Variants in CFAP69 observed in about 807,000 individuals in gnomAD.
CFAP69 encodes the protein cilia and flagella associated protein 69.
In CFAP69, 92 loss-of-function variants were observed where a neutral mutation model predicts 123.0. The observed-to-expected ratio is 0.75, with a 90% confidence interval of 0.63 to 0.89. The LOEUF is 0.89. Among genes scored for constraint, CFAP69 ranks in the 40% least tolerant of loss-of-function variants. The probability of loss-of-function intolerance (pLI) is 0.00; values close to 1 mark genes in which losing one functional copy is unlikely to be tolerated. For synonymous variants in CFAP69, 380 were observed against 364.3 expected (o/e 1.04, Z -0.49); for missense variants, 1,067 against 1,096.9 (o/e 0.97, Z 0.39).
At chr7:90,302,268 G>T (rs1792917546) in intron 17 of CFAP69, 1 of 152,104 alleles carries the variant, frequency 6.6e-6, no homozygotes. Flanking sequence ...CCATTCTGTT[G>T]GTTGGCTTTT....
At chr7:90,275,948 T>A (rs962825370) in intron 9 of CFAP69, 24 of 152,168 alleles carry the variant, frequency 1.6e-4, no homozygotes, top group African/African-American at 5.8e-4. Context: ...GCCATTCCCT[T>A]CTACAAAATT....
the CFAP69 span, chr7:90,317,565 A>G: frequency 2.0e-5 from 3 of 151,892 alleles, no homozygotes; most frequent in African/African-American, 7.2e-5. Context: ...AATATTGCCG[A>G]ACGCTATGAG....
Position 90,310,289 on chromosome 7 carries a change from A to C in CFAP69, c.*51A>C. ...AAGTCAGCTTATAATTTTTTAGCTG[A>C]ATATATCTTTATACATATGTAAAGC... On this transcript the variant is annotated 3_prime_UTR_variant, in exon 23 of 23. Transcript: ENST00000389297. The C allele has an allele frequency of 7.4e-7, 1 of 1,359,020 alleles. No homozygotes were observed. The highest frequency in any genetic ancestry group is 1.0e-6 in the Non-Finnish European group (1 of 998,262). 84.2% of individuals were successfully genotyped at this position (1,359,020 alleles called of 1,614,324 possible). A position where few individuals can be genotyped will look rare whatever the true frequency, so the allele number is the denominator to read the frequency against.
chr7:90,322,940 T>C, the CFAP69 span, among the ~76,000 whole-genome samples: 3 of 152,168 alleles, frequency 2.0e-5, no homozygotes, highest in South Asian at 6.2e-4. Flanking sequence ...TACTGAAATA[T>C]TCTAAATTTA....
At chr7:90,283,816 C>CA (rs1474436619) in intron 13 of CFAP69, among the ~76,000 whole-genome samples, 1 of 152,066 alleles carries the variant, frequency 6.6e-6, no homozygotes, top group Non-Finnish European at 1.5e-5. Flanking sequence ...AATGCCTACT[C>CA]AAAAAATCTT....
intron 22 of CFAP69, among the ~76,000 whole-genome samples, 161 bp downstream of exon 22, chr7:90,309,528 A>C (rs1227676500): frequency 6.6e-6 from 1 of 152,022 alleles, no homozygotes; most frequent in Admixed American, 6.6e-5. Context: ...AAAAATTTTA[A>C]ATTTAAAAAT....
the CFAP69 span, among the ~76,000 whole-genome samples, chr7:90,321,633 A>G: frequency 2.2e-4 from 34 of 152,228 alleles, no homozygotes; most frequent in Non-Finnish European, 4.4e-4. Flanking sequence ...CATGCTCCAC[A>G]CCGTATTCTC....
chr7:90,315,816 G>A (rs1314147270), downstream of CFAP69, among the ~76,000 whole-genome samples: 3 of 152,240 alleles, frequency 2.0e-5, no homozygotes, highest in Admixed American at 6.5e-5. Context: ...ATTCTGGCCA[G>A]GCTTGGTGGC....
At chr7:90,279,217 C>A (rs140714595) in intron 11 of CFAP69, among the ~76,000 whole-genome samples, 27 of 152,108 alleles carry the variant, frequency 1.8e-4, no homozygotes, top group Non-Finnish European at 2.9e-4. Context: ...TTACCTCAGA[C>A]AAAATTCTTT....
At chr7:90,289,699 C>T (rs1790834597) in intron 15 of CFAP69, among the ~76,000 whole-genome samples, 1 of 152,020 alleles carries the variant, frequency 6.6e-6, no homozygotes, top group African/African-American at 2.4e-5. Context: ...CTTTCCTTAC[C>T]CCATAGTCAT....
intron 15 of CFAP69, among the ~76,000 whole-genome samples, chr7:90,289,260 AT>A (rs1562899592): frequency 6.6e-6 from 1 of 152,084 alleles, no homozygotes; most frequent in African/African-American, 2.4e-5. Context: ...ACTTACATCA[AT>A]TACACCTTTC....
At position 90,310,072 on chromosome 7, in the gene CFAP69, C is replaced by A; in HGVS notation, c.2660C>A (p.Pro887His). The A allele has an allele frequency of 6.2e-7, 1 of 1,602,574 alleles. No homozygotes were observed. The highest frequency in any genetic ancestry group is 1.1e-5 in the South Asian group (1 of 88,878). ...THIKGLNTTVPSGGVVTVEST... is the reference protein window; with the variant it reads ...THIKGLNTTVHSGGVVTVEST... ...ATTTACCTTTTGCCTTTTTAGGTGC[C>A]CTCTGGTGGAGTAGTAACAGTGGAA... The change falls in exon 23 of 23, where the codon CCC (proline) becomes CAC (histidine). Residue 887 changes from proline to histidine, a missense_variant. By Grantham distance (77) the Pro-to-His change is moderately conservative (BLOSUM62 -2). Transcript: ENST00000389297.
chr7:90,320,989 C>T, the CFAP69 span: 76,738 of 152,024 alleles, frequency 0.5, 20,257 homozygotes, highest in Non-Finnish European at 0.59. Flanking sequence ...GAGCGCGTCC[C>T]GGCGCGGTGT....
intron 13 of CFAP69, among the ~76,000 whole-genome samples, chr7:90,285,731 C>T (rs1040395417): frequency 6.6e-6 from 1 of 152,130 alleles, no homozygotes; most frequent in Admixed American, 6.5e-5. Context: ...GAAATTTGGT[C>T]ATATATTTGC....
In CFAP69 at chr7:90,307,099, G is replaced by T. The variant is rs751994890; in HGVS notation, c.2463+1G>T. On this transcript the variant is annotated splice_donor_variant, in intron 20 of 22. Transcript: ENST00000389297. LOFTEE classifies it high-confidence loss of function. The stretch of plus-strand genomic sequence containing the variant: ...AAATGAACAAAAAGTATATGCAAAA[G>T]TAAGCTACATAGGTAGTGAGGAGGG... 6.2e-7 allele frequency: 1 copy of T among 1,609,384 alleles called. No individual in the cohort carries two copies. The highest frequency in any genetic ancestry group is 1.3e-5 in the African/African-American group (1 of 74,540).
downstream of CFAP69, among the ~76,000 whole-genome samples, chr7:90,314,828 T>A (rs1794635833): frequency 6.6e-6 from 1 of 152,046 alleles, no homozygotes; most frequent in Non-Finnish European, 1.5e-5. Flanking sequence ...CACTAACTCA[T>A]CATCTAGCAT....
At chr7:90,258,049 T>C in intron 2 of CFAP69, 49 bp from the exon 3 acceptor site, 1 of 1,366,960 alleles carries the variant, frequency 7.3e-7, no homozygotes, top group Non-Finnish European at 1.0e-6. Context: ...TTTTAAAATC[T>C]CAACAGATTT....
chr7:90,261,655 A>G (rs17865169), intron 3 of CFAP69, among the ~76,000 whole-genome samples: 1,802 of 152,282 alleles, frequency 0.012, 19 homozygotes, highest in African/African-American at 0.041. Context: ...TGCCAGTGGG[A>G]AGTTATTGAT....
chr7:90,287,646 A>G (rs1790497540), intron 14 of CFAP69: 1 of 985,424 alleles, frequency 1.0e-6, no homozygotes, highest in Non-Finnish European at 1.2e-6. Context: ...GCTTTGATGC[A>G]ATTTCTCATC....
Sources: gnomAD v4.1 joint callset for allele counts (sites outside exome capture counted in the v4.1 genomes callset) on GRCh38, gnomAD v4.1.1 for gene constraint, MANE v1.5 for transcripts, NCBI Gene and HGNC (gene_info 2026-07-23, HGNC 2026-07-21) for gene names.